The following SOS2 variants were observed in gnomAD, a reference collection of about 807,000 sequenced individuals.
SOS2 encodes SOS Ras/Rho guanine nucleotide exchange factor 2.
In SOS2, 65 loss-of-function variants were observed where a neutral mutation model predicts 148.2. The ratio of observed to expected loss-of-function variants is 0.44; its 90% CI spans 0.36 to 0.54. The LOEUF (loss-of-function observed/expected upper bound fraction) is 0.54. Ranked by LOEUF, SOS2 falls within the 20% of genes least tolerant of loss-of-function variation. The probability of loss-of-function intolerance (pLI) is 0.00; values close to 1 mark genes in which losing one functional copy is unlikely to be tolerated. For missense variants in SOS2, 1,341 were observed against 1,590.2 expected, an observed-to-expected ratio of 0.84 and a Z score of 2.67; for synonymous variants, 539 against 537.1, an observed-to-expected ratio of 1.00 and a Z score of -0.05.
At chr14:50,228,266 A>C (rs960514774) in intron 1 of SOS2, among the ~76,000 whole-genome samples, 52 of 151,966 alleles carry the variant, frequency 3.4e-4, no homozygotes, top group African/African-American at 1.2e-3. Flanking sequence ...CTGGTCACGA[A>C]CTCCTAAACT....
At chr14:50,154,084 G>A (rs1230598905) in intron 12 of SOS2, among the ~76,000 whole-genome samples, 1 of 152,152 alleles carries the variant, frequency 6.6e-6, no homozygotes, top group Non-Finnish European at 1.5e-5. Flanking sequence ...GACAAGGGGA[G>A]AGGGAAGAGG....
intron 5 of SOS2, among the ~76,000 whole-genome samples, chr14:50,185,981 G>C (rs117232325): frequency 0.016 from 2,381 of 152,138 alleles, 26 homozygotes; most frequent in Non-Finnish European, 0.024. Context: ...AGCTCATCAG[G>C]GTCTTAGGGT....
chr14:50,119,457 T>C lies in SOS2; in HGVS notation c.3490-604A>G, dbSNP rs376613121. On this transcript the variant is annotated intron_variant, in intron 22 of 22. Transcript: ENST00000216373. ...CATTAGTTGAAAGTTTGAAGAATAC[T>C]TGGAATACTACTGAAGTTTTTTTCC... Among the ~76,000 whole-genome samples, 29 of 152,368 alleles carry C rather than the reference T, an allele frequency of 1.9e-4. No homozygotes were observed. In the East Asian group the frequency reaches 1.9e-3, roughly 10 times the overall value.
chr14:50,211,380 C>T (rs935590527), intron 1 of SOS2, among the ~76,000 whole-genome samples: 1 of 151,902 alleles, frequency 6.6e-6, no homozygotes, highest in Admixed American at 6.6e-5. Context: ...GATTTTGTTA[C>T]CTAGGTATAT....
chr14:50,124,386 T>C (rs1883621841), intron 21 of SOS2, among the ~76,000 whole-genome samples: 1 of 152,208 alleles, frequency 6.6e-6, no homozygotes, highest in African/African-American at 2.4e-5. Context: ...CAAACATTTA[T>C]TGGGTATTTT....
At chr14:50,230,882 C>A (rs1379330519) in intron 1 of SOS2, 4 of 1,043,268 alleles carry the variant, frequency 3.8e-6, no homozygotes, top group Non-Finnish European at 4.6e-6. Flanking sequence ...TAAATACCAG[C>A]GGGACTTTCT....
At position 50,223,804 on chromosome 14, in the gene SOS2, G is replaced by A. The variant is rs144841778; in HGVS notation, c.87+7393C>T. 5.7e-4 allele frequency among the ~76,000 whole-genome samples: 87 copies of A among 152,224 alleles called. No homozygotes were observed. In the East Asian group the frequency reaches 0.013, roughly 23 times the overall value. ...GGAGGTTAAGGCTATAGTGAGCTGT[G>A]ATCTTGCCACTGCACTCCATCCTGG... On this transcript the variant is annotated intron_variant, in intron 1 of 22. Transcript: ENST00000216373.
rs142829356 is a variant in SOS2, at chr14:50,154,470, CACTCT to C, written c.2058-1302_2058-1298del. On this transcript the variant is annotated intron_variant, in intron 12 of 22. Transcript: ENST00000216373. Reference sequence around the variant, plus strand: ...CACATACCTTCTGACCCAGCCACTCCACTCTGAGTTGTTTACCCAAGAAAAGTGAA... The same window carrying C: ...CACATACCTTCTGACCCAGCCACTCCGAGTTGTTTACCCAAGAAAAGTGAA... 1.6e-3 allele frequency among the ~76,000 whole-genome samples: 246 copies of C among 152,278 alleles called. 1 individual carries two copies. Among genetic ancestry groups the C allele is most frequent in the African/African-American group, 5.7e-3 (237 of 41,548 alleles).
chr14:50,153,218 C>A, intron 12 of SOS2, 45 bp from the exon 13 acceptor site: 2 of 1,039,524 alleles, frequency 1.9e-6, no homozygotes, highest in South Asian at 2.6e-5. Flanking sequence ...CATAAGTGTT[C>A]AATTACACTT....
chr14:50,191,132 T>A (rs1886121518), intron 4 of SOS2, among the ~76,000 whole-genome samples: 1 of 152,124 alleles, frequency 6.6e-6, no homozygotes, highest in Non-Finnish European at 1.5e-5. Context: ...TTTCTCTAGT[T>A]TTTGACACAG....
intron 1 of SOS2, among the ~76,000 whole-genome samples, chr14:50,225,111 ATGTAAAAG>A (rs1177322513): frequency 6.6e-6 from 1 of 152,106 alleles, no homozygotes; most frequent in East Asian, 1.9e-4. Context: ...ATATATTCTT[ATGTAAAAG>A]AAGAAAATAA....
At position 50,224,416 on chromosome 14, in the gene SOS2, T is replaced by C. The variant is rs779525499; in HGVS notation, c.87+6781A>G. On this transcript the variant is annotated intron_variant, in intron 1 of 22. Transcript: ENST00000216373. ...TCAGAAGGATGTGGTCACAGAAAGA[T>C]GAGGAGGAATCAAGGGAAGGGAAAC... Among the ~76,000 whole-genome samples, 124 of 137,476 alleles carry C rather than the reference T, an allele frequency of 9.0e-4. 1 individual carries two copies. The highest frequency in any genetic ancestry group is 1.3e-3 in the Admixed American group (18 of 13,670). The allele number at this position is 137,476 out of a possible 152,430, so 90.2% of individuals were successfully genotyped here. A position where few individuals can be genotyped will look rare whatever the true frequency, so the allele number is the denominator to read the frequency against.
rs1037887048 is a variant in SOS2, at chr14:50,189,025, A to G, written c.511-325T>C. Among the ~76,000 whole-genome samples the G allele has an allele frequency of 3.4e-5, 5 of 148,606 alleles. No individual in the cohort carries two copies. The Admixed American group carries it at 3.4e-4, about 10-fold the overall frequency. On this transcript the variant is annotated intron_variant, in intron 4 of 22. Transcript: ENST00000216373. Reference sequence around the variant, plus strand: ...GCTGCAGTTGAGTCATGATCACACCACTGCACTCCAGCCTGGGCGACAGAG... The same window carrying G: ...GCTGCAGTTGAGTCATGATCACACCGCTGCACTCCAGCCTGGGCGACAGAG...
In SOS2 at chr14:50,231,526, C is replaced by G. The variant is rs955972374; in HGVS notation, c.-243G>C. The G allele has an allele frequency of 2.0e-5, 3 of 151,712 alleles. No individual in the cohort carries two copies. The highest frequency in any genetic ancestry group is 1.3e-4 in the Admixed American group (2 of 15,200). The allele number at this position is 151,712 out of a possible 1,614,324, so 9.4% of individuals were successfully genotyped here. On this transcript the variant is annotated 5_prime_UTR_variant, in exon 1 of 23. Coordinates refer to ENST00000216373, the MANE Select transcript of SOS2 (RefSeq NM_006939.4). ...CAGAGGAAGCGCGGCGACCCGCAAG[C>G]CCGGGCGACCCCGGGCGGCGACCTC...
chr14:50,142,057 G>A (rs900727596), intron 16 of SOS2, among the ~76,000 whole-genome samples: 5 of 151,524 alleles, frequency 3.3e-5, no homozygotes, highest in African/African-American at 1.2e-4. Flanking sequence ...GCACAGGCTG[G>A]AGTGCAGTGG....
chr14:50,188,126 G>A (rs1487728126), intron 5 of SOS2, among the ~76,000 whole-genome samples: 2 of 152,088 alleles, frequency 1.3e-5, no homozygotes, highest in Non-Finnish European at 2.9e-5. Flanking sequence ...TTATGGGCTG[G>A]GTGCAGTGGA....
chr14:50,226,095 C>T (rs1169286006), intron 1 of SOS2, among the ~76,000 whole-genome samples: 2 of 151,778 alleles, frequency 1.3e-5, no homozygotes, highest in Admixed American at 6.6e-5. Flanking sequence ...GCCACAGCCA[C>T]TTAGAACACA....
chr14:50,223,822 C>T (rs1191791446), intron 1 of SOS2, among the ~76,000 whole-genome samples: 1 of 152,086 alleles, frequency 6.6e-6, no homozygotes, highest in Non-Finnish European at 1.5e-5. Context: ...CACTGCACTC[C>T]ATCCTGGGTG....
At chr14:50,120,538 G>T (rs1161209383) in intron 21 of SOS2, among the ~76,000 whole-genome samples, 154 bp from the exon 22 acceptor site, 3 of 152,108 alleles carry the variant, frequency 2.0e-5, no homozygotes, top group African/African-American at 7.2e-5. Context: ...CTTTCTGCAG[G>T]GAGTGTGTAT....
Sources: allele counts gnomAD v4.1 joint callset (sites outside exome capture counted in the v4.1 genomes callset), GRCh38; gene constraint gnomAD v4.1.1; transcripts MANE v1.5; gene names NCBI Gene and HGNC (gene_info 2026-07-23, HGNC 2026-07-21).